The following DLGAP2 variants were observed in gnomAD, a reference collection of about 807,000 sequenced individuals.
DLGAP2 encodes disks large-associated protein 2.
A neutral mutation model predicts 100.3 loss-of-function variants in DLGAP2; 26 were observed. The observed-to-expected ratio is 0.26, with a 90% confidence interval of 0.19 to 0.36. The LOEUF is 0.36. DLGAP2 is among the 10% of genes least tolerant of loss of function. The probability of loss-of-function intolerance (pLI) is 1.00; values close to 1 mark genes in which losing one functional copy is unlikely to be tolerated. For missense variants in DLGAP2, 1,858 were observed against 1,453.2 expected, an observed-to-expected ratio of 1.28 and a Z score of -4.53; for synonymous variants, 886 against 630.1, an observed-to-expected ratio of 1.41 and a Z score of -6.08.
chr8:1,024,353 T>C (rs62488487), intron 2 of DLGAP2, among the ~76,000 whole-genome samples: 9 of 129,442 alleles, frequency 7.0e-5, no homozygotes, highest in Non-Finnish European at 1.2e-4. Context: ...GGGTGGACAG[T>C]CCCGTGCCGA....
chr8:1,304,840 A>G lies in DLGAP2; in HGVS notation c.106+45957A>G, dbSNP rs73670724. On this transcript the variant is annotated intron_variant, in intron 3 of 14. Transcript: ENST00000637795. ...TATAATAAATGCTAAACACCCTTCA[A>G]TACTGCACAGGATAAGCTGAAAAGG... is the stretch of plus-strand genomic sequence containing the variant. Among the ~76,000 whole-genome samples the G allele has an allele frequency of 8.2e-3, 1,253 of 152,344 alleles. 12 individuals are homozygous for G. The highest frequency in any genetic ancestry group is 0.028 in the African/African-American group (1,172 of 41,568).
At chr8:1,028,230 C>A (rs566464553) in intron 2 of DLGAP2, among the ~76,000 whole-genome samples, 349 of 137,986 alleles carry the variant, frequency 2.5e-3, no homozygotes, top group African/African-American at 9.4e-3. Context: ...GTCAGGCGCC[C>A]GTTATTCTCC....
intron 2 of DLGAP2, among the ~76,000 whole-genome samples, chr8:934,410 C>G (rs1331467804): frequency 1.3e-5 from 2 of 152,174 alleles, no homozygotes; most frequent in African/African-American, 4.8e-5. Flanking sequence ...TGTTTTCATC[C>G]CACTTAGTGG....
intron 1 of DLGAP2, among the ~76,000 whole-genome samples, chr8:810,568 A>C (rs1796352283): frequency 6.6e-6 from 1 of 152,240 alleles, no homozygotes; most frequent in Non-Finnish European, 1.5e-5. Flanking sequence ...CTTATTTATG[A>C]GACATGCTGT....
intron 3 of DLGAP2, among the ~76,000 whole-genome samples, chr8:1,437,206 C>T (rs1054792701): frequency 1.4e-5 from 2 of 144,868 alleles, no homozygotes; most frequent in Admixed American, 1.4e-4. Context: ...AGCCCAGGCG[C>T]GTAAGGGTGA....
chr8:802,204 C>A (rs1240125793), intron 1 of DLGAP2, among the ~76,000 whole-genome samples: 1 of 150,502 alleles, frequency 6.6e-6, no homozygotes, highest in African/African-American at 2.4e-5. Context: ...CTGCACTCCT[C>A]CTGGGCCCTC....
At chr8:1,203,203 T>G (rs1021077629) in intron 2 of DLGAP2, among the ~76,000 whole-genome samples, 1 of 152,196 alleles carries the variant, frequency 6.6e-6, no homozygotes, top group Non-Finnish European at 1.5e-5. Flanking sequence ...GAGGGGATTA[T>G]AGACGTGTGT....
chr8:1,422,171 T>C (rs1422614225), intron 3 of DLGAP2, among the ~76,000 whole-genome samples: 1 of 152,158 alleles, frequency 6.6e-6, no homozygotes, highest in Non-Finnish European at 1.5e-5. Flanking sequence ...CGCGAGGATG[T>C]TTCCTAATGT....
intron 4 of DLGAP2, among the ~76,000 whole-genome samples, chr8:1,514,390 C>A (rs1376610072): frequency 6.6e-6 from 1 of 152,252 alleles, no homozygotes; most frequent in Non-Finnish European, 1.5e-5. Flanking sequence ...TAACACAGAA[C>A]CCCAGAGCAC....
intron 1 of DLGAP2, among the ~76,000 whole-genome samples, chr8:804,261 G>A (rs1796225049): frequency 1.3e-5 from 2 of 152,180 alleles, no homozygotes; most frequent in Non-Finnish European, 2.9e-5. Flanking sequence ...TGATTCTGGG[G>A]TTTTTAAGGA....
intron 2 of DLGAP2, among the ~76,000 whole-genome samples, chr8:1,159,925 C>G (rs1796857941): frequency 6.6e-6 from 1 of 152,202 alleles, no homozygotes; most frequent in African/African-American, 2.4e-5. Context: ...CTCCCACCTC[C>G]CTGTGAGATT....
chr8:1,106,948 G>A (rs1431577054), intron 2 of DLGAP2, among the ~76,000 whole-genome samples: 14 of 152,132 alleles, frequency 9.2e-5, no homozygotes, highest in Admixed American at 9.2e-4. Flanking sequence ...CAACATCTCA[G>A]ACGTATTTTC....
At chr8:1,206,337 A>G (rs6991776) in intron 2 of DLGAP2, among the ~76,000 whole-genome samples, 6,174 of 25,948 alleles carry the variant, frequency 0.24, 1,043 homozygotes, top group African/African-American at 0.55. Flanking sequence ...TAGACTGTGA[A>G]TGGTTAATCT....
At chr8:1,533,396 C>T (rs1465200977) in intron 4 of DLGAP2, among the ~76,000 whole-genome samples, 1 of 151,736 alleles carries the variant, frequency 6.6e-6, no homozygotes, top group Non-Finnish European at 1.5e-5. Context: ...GTCCGAGCTA[C>T]TCGGCAGGCT....
intron 2 of DLGAP2, among the ~76,000 whole-genome samples, chr8:1,149,375 C>T (rs12681480): frequency 0.1 from 15,484 of 152,052 alleles, 938 homozygotes; most frequent in East Asian, 0.25. Context: ...TCTCGATCTC[C>T]GGACCTCGTG....
chr8:1,156,642 T>TCAGCGCCCCAGCTCAGCGCCCCAGCC (rs1796796521), intron 2 of DLGAP2, among the ~76,000 whole-genome samples: 5 of 147,116 alleles, frequency 3.4e-5, no homozygotes, highest in Admixed American at 6.7e-5. Flanking sequence ...GCGCCCCGGC[T>TCAGCGCCCCAGCTCAGCGCCCCAGCC]CAGCGCCCCA....
chr8:1,554,304 TTAAA>T (rs67432825), intron 5 of DLGAP2, among the ~76,000 whole-genome samples: 78,392 of 150,262 alleles, frequency 0.52, 21,880 homozygotes, highest in African/African-American at 0.74. Context: ...AATAAATTAA[TTAAA>T]TAAATAAATA....
chr8:1,271,856 C>G (rs1009993249), intron 3 of DLGAP2, among the ~76,000 whole-genome samples: 1 of 152,000 alleles, frequency 6.6e-6, no homozygotes, highest in African/African-American at 2.4e-5. Flanking sequence ...GTTCTATCAC[C>G]CAGGCTGGAG....
At chr8:1,183,458 C>G (rs998012473) in intron 2 of DLGAP2, among the ~76,000 whole-genome samples, 1 of 152,186 alleles carries the variant, frequency 6.6e-6, no homozygotes, top group Non-Finnish European at 1.5e-5. Context: ...GAATGCACTG[C>G]TAAGAGTCAT....
Sources: gnomAD v4.1 joint callset for allele counts (sites outside exome capture counted in the v4.1 genomes callset) on GRCh38, gnomAD v4.1.1 for gene constraint, MANE v1.5 for transcripts, NCBI Gene and HGNC (gene_info 2026-07-23, HGNC 2026-07-21) for gene names.